The following PKD1L1 variants were observed in gnomAD, a reference collection of about 807,000 sequenced individuals.
The protein encoded by PKD1L1 is polycystin 1 like 1, transient receptor potential channel interacting, also known as polycystin-1-like protein 1.
In PKD1L1, 236 loss-of-function variants were observed where a neutral mutation model predicts 323.4. The observed-to-expected ratio is 0.73, with a 90% CI of 0.66 to 0.81. The LOEUF is 0.81. PKD1L1 is among the 40% of genes least tolerant of loss of function. PKD1L1 has a pLI of 0.00. For synonymous variants in PKD1L1, 1,344 were observed against 1,335.0 expected (o/e 1.01, Z -0.15); for missense variants, 3,320 against 3,508.0 (o/e 0.95, Z 1.35).
intron 48 of PKD1L1, 58 bp downstream of exon 48, chr7:47,813,873 G>T: frequency 1.4e-6 from 2 of 1,445,594 alleles, no homozygotes; most frequent in Non-Finnish European, 1.9e-6. Context: ...CCCCAATGTT[G>T]CCTAGACTTC....
rs1466126048 is a variant in PKD1L1 at position 47,921,340 on chromosome 7, A to G, written c.1061-5741T>C. On this transcript the variant is annotated intron_variant, in intron 7 of 56. Transcript: ENST00000289672. ...AAATGCAAATCAAAACTGCAATGCG[A>G]TACCACTTTACTCCTGCAACAATGG... Among the ~76,000 whole-genome samples the G allele has an allele frequency of 2.0e-5, 3 of 152,120 alleles. No individual in the cohort carries two copies. In the East Asian group the frequency reaches 5.8e-4, roughly 29 times the overall value.
rs770379396 is a variant in PKD1L1 at position 47,908,112 on chromosome 7, A to G, written c.1367T>C (p.Val456Ala). 6.2e-7 allele frequency: 1 copy of G among 1,614,156 alleles called. No homozygotes were observed. Among genetic ancestry groups the G allele is most frequent in the South Asian group, 1.1e-5 (1 of 91,064 alleles). Residue 456 changes from valine (V) to alanine (A), a missense_variant, in exon 9 of 57, where the codon GTG becomes GCG. Val to Ala is a moderately conservative substitution (Grantham distance 64). Coordinates refer to ENST00000289672, the MANE Select transcript of PKD1L1 (RefSeq NM_138295.5). ...MNSSSVHEDE[V>A]LVFADSQVNQ... ...CACTTGGGAGTCAGCAAAGACAAGC[A>G]CTTCATCTTCATGGACACTGCTGGA...
Position 47,836,860 on chromosome 7 carries a change from A to ATGT in PKD1L1, c.5943+60_5943+61insACA, listed in dbSNP as rs1785467782. The ATGT allele has an allele frequency of 1.4e-5, 21 of 1,536,630 alleles. No homozygotes were observed. The East Asian group carries it at 4.8e-4, about 35-fold the overall frequency. ...GTGAGCTTTGTTGATTTCTTAGGCA[A>ATGT]AAAGGGGCCACAGTGTAGTCGGATC... On this transcript the variant is annotated intron_variant, in intron 37 of 56. Coordinates refer to ENST00000289672, the MANE Select transcript of PKD1L1 (RefSeq NM_138295.5).
In PKD1L1 at chr7:47,940,280, C is replaced by G. The variant is rs992984639; in HGVS notation, c.198G>C (p.Gly66=). 6.2e-7 allele frequency: 1 copy of G among 1,614,030 alleles called. No homozygotes were observed. The highest frequency in any genetic ancestry group is 8.5e-7 in the Non-Finnish European group (1 of 1,179,952). ...GAGCACACCAAGGACAGCCACACTT[C>G]CCATCACTCATAAGAAGCACATGAT... The part of the protein sequence containing the change: ...YANHVLLMSD[G]KCGCPWCALN... The change falls in exon 3 of 57, where the codon GGG becomes GGC. Residue 66 remains glycine, a synonymous_variant. Transcript: ENST00000289672.
chr7:47,804,346 T>C (rs1303921025), intron 52 of PKD1L1, among the ~76,000 whole-genome samples: 1 of 152,194 alleles, frequency 6.6e-6, no homozygotes, highest in Non-Finnish European at 1.5e-5. Flanking sequence ...AAAAGTATAA[T>C]TAAACAGAGT....
intron 45 of PKD1L1, among the ~76,000 whole-genome samples, chr7:47,825,180 T>C (rs1403630123): frequency 6.6e-6 from 1 of 152,214 alleles, no homozygotes; most frequent in Non-Finnish European, 1.5e-5. Flanking sequence ...ACTTCTTTTA[T>C]TCTGTGAACT....
chr7:47,935,868 T>C (rs567680829), intron 4 of PKD1L1, among the ~76,000 whole-genome samples: 1 of 152,358 alleles, frequency 6.6e-6, no homozygotes, highest in African/African-American at 2.4e-5. Flanking sequence ...CTTGGCAACA[T>C]TGATGGGCCA....
the PKD1L1 span, among the ~76,000 whole-genome samples, chr7:47,960,693 A>T: frequency 2.1e-5 from 2 of 96,054 alleles, no homozygotes; most frequent in South Asian, 3.5e-4. Flanking sequence ...TTTTCTAATT[A>T]AAAAAAAAAA....
chr7:47,837,303 A>G (rs1785480520), intron 36 of PKD1L1, among the ~76,000 whole-genome samples: 1 of 152,138 alleles, frequency 6.6e-6, no homozygotes, highest in Non-Finnish European at 1.5e-5. Flanking sequence ...CTGGCTGGTT[A>G]GCTGGGTACT....
chr7:47,918,469 C>CAA (rs373291606), intron 7 of PKD1L1, among the ~76,000 whole-genome samples: 1,526 of 137,984 alleles, frequency 0.011, 11 homozygotes, highest in African/African-American at 0.019. Context: ...AGAAAGTCAA[C>CAA]AACAAAAAAA....
At chr7:47,888,466 C>T (rs903035433) in intron 16 of PKD1L1, among the ~76,000 whole-genome samples, 2 of 152,214 alleles carry the variant, frequency 1.3e-5, no homozygotes, top group African/African-American at 4.8e-5. Flanking sequence ...GTCAAGGTCC[C>T]TCTGTTTCCA....
chr7:47,890,814 G>A (rs1381351708), intron 15 of PKD1L1, 51 bp from the exon 16 acceptor site: 1 of 1,534,370 alleles, frequency 6.5e-7, no homozygotes, highest in Non-Finnish European at 9.0e-7. Context: ...GCAGAGTCAG[G>A]GACTACCCTG....
intron 16 of PKD1L1, among the ~76,000 whole-genome samples, chr7:47,890,239 C>G (rs576979098): frequency 6.6e-6 from 1 of 152,200 alleles, no homozygotes; most frequent in Non-Finnish European, 1.5e-5. Context: ...GGAGAGTCCC[C>G]GATCTTTCAG....
Position 47,846,884 on chromosome 7 carries a change from G to T in PKD1L1, c.5148C>A (p.Asn1716Lys). Reference sequence around the variant, plus strand: ...TTTCTCAAATGTGTCTATACCTGCAGTTCACTTTTTCAGGAGAAGTCCCTG... The same window carrying T: ...TTTCTCAAATGTGTCTATACCTGCATTTCACTTTTTCAGGAGAAGTCCCTG... ...PQPGTSPEKV[N>K]CSYHRLAAFA... The change falls in exon 32 of 57, where the codon AAC (asparagine) becomes AAA (lysine). Residue 1716 changes from asparagine (N) to lysine (K), a missense_variant. Coordinates refer to ENST00000289672, the MANE Select transcript of PKD1L1 (RefSeq NM_138295.5). 1 of 1,603,586 alleles carries T rather than the reference G, an allele frequency of 6.2e-7. No homozygotes were observed. Among genetic ancestry groups the T allele is most frequent in the Non-Finnish European group, 8.5e-7 (1 of 1,177,236 alleles).
At chr7:47,811,726 G>A in intron 50 of PKD1L1, 91 bp downstream of exon 50, 1 of 1,013,182 alleles carries the variant, frequency 9.9e-7, no homozygotes. Flanking sequence ...AATGGGTAGG[G>A]AACTAGTCCT....
At position 47,797,221 on chromosome 7, in the gene PKD1L1, C is replaced by A. The variant is rs1411601374; in HGVS notation, c.8194-1071G>T. Among the ~76,000 whole-genome samples the A allele has an allele frequency of 2.0e-5, 3 of 152,226 alleles. No homozygotes were observed. In the East Asian group the frequency reaches 5.8e-4, roughly 29 times the overall value. The stretch of plus-strand genomic sequence containing the variant: ...GCTCTCTCTCTGCTGCCCCTCTCCC[C>A]TGAGATCGCCCTTGCTCTTCTTCCT... On this transcript the variant is annotated intron_variant, in intron 54 of 56. Coordinates refer to ENST00000289672, the MANE Select transcript of PKD1L1 (RefSeq NM_138295.5).
chr7:47,799,043 G>A (rs1185515426), intron 54 of PKD1L1, among the ~76,000 whole-genome samples: 1 of 152,174 alleles, frequency 6.6e-6, no homozygotes, highest in East Asian at 1.9e-4. Context: ...ATTTGTATAT[G>A]CCAGTCTTCC....
chr7:47,884,550 G>A (rs1786638925), intron 19 of PKD1L1, 48 bp downstream of exon 19: 1 of 1,533,648 alleles, frequency 6.5e-7, no homozygotes. Flanking sequence ...GAAAGGCTGT[G>A]GAGGAGAGCT....
rs1050131455 is a variant in PKD1L1, at chr7:47,839,745, A to G, written c.5553-83T>C. 2 of 1,319,156 alleles carry G rather than the reference A, an allele frequency of 1.5e-6. No individual in the cohort carries two copies. The highest frequency in any genetic ancestry group is 2.0e-5 in the Admixed American group (1 of 48,858). The allele number at this position is 1,319,156 out of a possible 1,614,324, so 81.7% of individuals were successfully genotyped here. ...CCATCAGCCCCAATGCTCACCCTCA[A>G]GGCACTGATGGCCCACAGAGGGTGG... is the stretch of plus-strand genomic sequence containing the variant. On this transcript the variant is annotated intron_variant, in intron 35 of 56. Coordinates refer to ENST00000289672, the MANE Select transcript of PKD1L1 (RefSeq NM_138295.5). The surrounding 1 kb of genome is among the most constrained non-coding windows in gnomAD (Gnocchi z 4.3).
Sources: gnomAD v4.1 joint callset for allele counts (sites outside exome capture counted in the v4.1 genomes callset) on GRCh38, gnomAD v4.1.1 for gene constraint, Gnocchi (gnomAD v3.1) non-coding constraint, MANE v1.5 for transcripts, NCBI Gene and HGNC (gene_info 2026-07-23, HGNC 2026-07-21) for gene names.